The following ADAM10 variants were observed in gnomAD, a reference collection of about 807,000 sequenced individuals.
ADAM10 encodes the protein disintegrin and metalloproteinase domain-containing protein 10.
ADAM10 carries 17 observed loss-of-function variants against 90.1 expected under a neutral mutation model. The ratio of observed to expected loss-of-function variants is 0.19; its 90% confidence interval spans 0.13 to 0.28. ADAM10 has a LOEUF of 0.28. Among genes scored for constraint, ADAM10 ranks in the 10% least tolerant of loss-of-function variants. The pLI, the probability that ADAM10 is intolerant of heterozygous loss-of-function variation, is 1.00. For synonymous variants in ADAM10, 310 were observed against 298.6 expected (o/e 1.04, Z -0.40); for missense variants, 610 against 914.3 (o/e 0.67, Z 4.29).
At chr15:58,605,372 A>G (rs1895240412) in intron 14 of ADAM10, among the ~76,000 whole-genome samples, 1 of 152,184 alleles carries the variant, frequency 6.6e-6, no homozygotes, top group African/African-American at 2.4e-5. Context: ...GGCAATAGAC[A>G]AAAGACAGTA....
intron 2 of ADAM10, among the ~76,000 whole-genome samples, chr15:58,683,916 C>T (rs1419709794): frequency 2.7e-5 from 4 of 149,508 alleles, no homozygotes; most frequent in African/African-American, 7.4e-5. Flanking sequence ...CCTCAGTATC[C>T]ACGGGGGATT....
At position 58,599,960 on chromosome 15, in the gene ADAM10, G is replaced by A. The variant is rs575474372; in HGVS notation, c.2026-236C>T. Among the ~76,000 whole-genome samples the A allele has an allele frequency of 3.3e-5, 5 of 152,074 alleles. No individual in the cohort carries two copies. The South Asian group carries it at 6.2e-4, about 19-fold the overall frequency. On this transcript the variant is annotated intron_variant, in intron 14 of 15. Coordinates refer to ENST00000260408, the MANE Select transcript of ADAM10 (RefSeq NM_001110.4). ...ATAATTTCATCTCATAGAGGAAACC[G>A]CTCAATCTGATTTTTTTTAGTCTCT... is the stretch of plus-strand genomic sequence containing the variant.
intron 8 of ADAM10, among the ~76,000 whole-genome samples, chr15:58,637,357 C>A (rs1287114344): frequency 1.3e-5 from 2 of 152,076 alleles, no homozygotes; most frequent in South Asian, 2.1e-4. Context: ...ATTCAGTTAA[C>A]TGATAAGACC....
Position 58,640,878 on chromosome 15 carries a change from T to C in ADAM10, c.911A>G (p.Asn304Ser). Reference protein sequence around the residue: ...NIGVEKFLELNSEQNHDDYCL... With the variant: ...NIGVEKFLELSSEQNHDDYCL... ...GTAGTCATCATGATTCTGCTCAGAA[T>C]TCAATTCCAGAAACTTCTCCACACC... Residue 304 changes from asparagine to serine, a missense_variant, in exon 8 of 16, where the codon AAT becomes AGT. Transcript: ENST00000260408. 1 of 1,614,132 alleles carries C rather than the reference T, an allele frequency of 6.2e-7. No individual in the cohort carries two copies. The highest frequency in any genetic ancestry group is 8.5e-7 in the Non-Finnish European group (1 of 1,179,996).
chr15:58,679,021 G>C (rs375288425), intron 4 of ADAM10, 103 bp downstream of exon 4: 81 of 1,144,806 alleles, frequency 7.1e-5, no homozygotes, highest in Non-Finnish European at 1.0e-4. Flanking sequence ...AGCCTGATTA[G>C]TAACTCAGGA....
At chr15:58,684,618 A>G (rs1897536430) in intron 2 of ADAM10, among the ~76,000 whole-genome samples, 1 of 152,336 alleles carries the variant, frequency 6.6e-6, no homozygotes, top group South Asian at 2.1e-4. Context: ...TGCCTCCCAC[A>G]TTCCTACGCA....
rs190420943 is a variant in ADAM10, at chr15:58,676,041, C to T, written c.484+3083G>A. On this transcript the variant is annotated intron_variant, in intron 4 of 15. Transcript: ENST00000260408. The stretch of plus-strand genomic sequence containing the variant: ...ATAATAATACACATTAAAGGGCATC[C>T]TTTGCCATTTAGTTATAAAATAAAC... 5 of 221,568 alleles carry T rather than the reference C, an allele frequency of 2.3e-5. No homozygotes were observed. The East Asian group carries it at 5.0e-4, about 22-fold the overall frequency. 13.7% of individuals were successfully genotyped at this position (221,568 alleles called of 1,614,324 possible). A position where few individuals can be genotyped will look rare whatever the true frequency, so the allele number is the denominator to read the frequency against.
chr15:58,655,139 T>G (rs1489207721), intron 5 of ADAM10: 5 of 152,268 alleles, frequency 3.3e-5, no homozygotes, highest in Non-Finnish European at 5.9e-5. Flanking sequence ...TCTCTCTCTT[T>G]AGCTCTAATA....
At chr15:58,726,882 G>A (rs528621975) in intron 1 of ADAM10, among the ~76,000 whole-genome samples, 1 of 150,132 alleles carries the variant, frequency 6.7e-6, no homozygotes, top group African/African-American at 2.4e-5. Flanking sequence ...CTCCGAAGGG[G>A]AGGGGAGAGG....
chr15:58,643,164 T>C (rs1485452499), intron 7 of ADAM10, among the ~76,000 whole-genome samples: 1 of 152,078 alleles, frequency 6.6e-6, no homozygotes, highest in Non-Finnish European at 1.5e-5. Context: ...TTTGAAAAAA[T>C]AGCCTAAATT....
intron 1 of ADAM10, chr15:58,732,304 T>A (rs553137746): frequency 6.6e-6 from 1 of 152,300 alleles, no homozygotes; most frequent in Non-Finnish European, 1.5e-5. Flanking sequence ...AACTCCTACT[T>A]TACAGTACAA....
intron 4 of ADAM10, among the ~76,000 whole-genome samples, chr15:58,673,164 C>G (rs1897237044): frequency 6.6e-6 from 1 of 152,138 alleles, no homozygotes; most frequent in Non-Finnish European, 1.5e-5. Context: ...GAAGGACAGA[C>G]AGACGGACAG....
chr15:58,649,943 T>C (rs1171450239), intron 5 of ADAM10, among the ~76,000 whole-genome samples: 2 of 152,162 alleles, frequency 1.3e-5, no homozygotes, highest in Non-Finnish European at 2.9e-5. Context: ...TATCATCTAT[T>C]TCTCTTATGC....
At chr15:58,697,927 G>A (rs369143075) in intron 2 of ADAM10, among the ~76,000 whole-genome samples, 9 of 152,102 alleles carry the variant, frequency 5.9e-5, no homozygotes, top group Middle Eastern at 3.4e-3. Context: ...GTAAACAGCC[G>A]AATAATTTAT....
chr15:58,659,787 G>T (rs1298921925), intron 5 of ADAM10, among the ~76,000 whole-genome samples: 1 of 152,122 alleles, frequency 6.6e-6, no homozygotes, highest in Non-Finnish European at 1.5e-5. Flanking sequence ...GGAGTGCAGT[G>T]GTGCAATCTC....
chr15:58,595,695 C>A lies in ADAM10; in HGVS notation c.*1852G>T, dbSNP rs1467519336. ...AGTGTGTGTACCTGCCAAAATCCTA[C>A]CACAGGATAACATTACAAGCAAAAA... On this transcript the variant is annotated 3_prime_UTR_variant, in exon 16 of 16. Coordinates refer to ENST00000260408, the MANE Select transcript of ADAM10 (RefSeq NM_001110.4). 1.3e-5 allele frequency: 2 copies of A among 152,058 alleles called. No homozygotes were observed. The highest frequency in any genetic ancestry group is 2.9e-5 in the Non-Finnish European group (2 of 67,960). 9.4% of individuals were successfully genotyped at this position (152,058 alleles called of 1,614,324 possible). A position where few individuals can be genotyped will look rare whatever the true frequency, so the allele number is the denominator to read the frequency against.
intron 14 of ADAM10, among the ~76,000 whole-genome samples, chr15:58,606,437 T>C (rs1472655007): frequency 6.6e-6 from 1 of 152,216 alleles, no homozygotes; most frequent in African/African-American, 2.4e-5. Context: ...ATGCACAAGT[T>C]TTACTCTTTT....
chr15:58,668,045 C>A (rs1250580038), intron 4 of ADAM10, among the ~76,000 whole-genome samples: 1 of 152,124 alleles, frequency 6.6e-6, no homozygotes, highest in Non-Finnish European at 1.5e-5. Context: ...GAGGGCCAGA[C>A]ATGTCCCTTC....
At chr15:58,657,631 C>T (rs1439949921) in intron 5 of ADAM10, among the ~76,000 whole-genome samples, 1 of 152,186 alleles carries the variant, frequency 6.6e-6, no homozygotes, top group Admixed American at 6.5e-5. Context: ...TTCCTCAAAA[C>T]AGCTATTTTT....
Sources: gnomAD v4.1 joint callset for allele counts (sites outside exome capture counted in the v4.1 genomes callset) on GRCh38, gnomAD v4.1.1 for gene constraint, MANE v1.5 for transcripts, NCBI Gene and HGNC (gene_info 2026-07-23, HGNC 2026-07-21) for gene names.